SH3PXD2A: variants seen among roughly 807,000 people sequenced by gnomAD.
SH3PXD2A encodes SH3 and PX domains 2A, also known as SH3 and PX domain-containing protein 2A.
A neutral mutation model predicts 115.2 loss-of-function variants in SH3PXD2A; 32 were observed. The observed-to-expected ratio is 0.28, with a 90% confidence interval of 0.21 to 0.37. The LOEUF is 0.37. SH3PXD2A is among the 10% of genes least tolerant of loss of function. SH3PXD2A has a pLI of 1.00. For synonymous variants in SH3PXD2A, 610 were observed against 629.1 expected, an observed-to-expected ratio of 0.97 and a Z score of 0.45; for missense variants, 1,328 against 1,498.7, an observed-to-expected ratio of 0.89 and a Z score of 1.88.
chr10:103,698,489 G>C (rs746508786), intron 5 of SH3PXD2A, among the ~76,000 whole-genome samples: 1 of 152,218 alleles, frequency 6.6e-6, no homozygotes, highest in Non-Finnish European at 1.5e-5. Context: ...TCAAGAGGCC[G>C]GCTGGGCTGC....
At chr10:103,805,151 G>GC (rs1470980114) in intron 1 of SH3PXD2A, among the ~76,000 whole-genome samples, 1 of 152,196 alleles carries the variant, frequency 6.6e-6, no homozygotes, top group African/African-American at 2.4e-5. Flanking sequence ...CATCCCACTA[G>GC]CAATTAGGCT....
At chr10:103,739,098 G>A (rs185275093) in intron 3 of SH3PXD2A, among the ~76,000 whole-genome samples, 1 of 152,332 alleles carries the variant, frequency 6.6e-6, no homozygotes, top group East Asian at 1.9e-4. Context: ...AAGGAGCACT[G>A]AGGCCTCCAC....
chr10:103,831,560 C>A (rs2039482979), intron 1 of SH3PXD2A, among the ~76,000 whole-genome samples: 1 of 152,104 alleles, frequency 6.6e-6, no homozygotes, highest in Non-Finnish European at 1.5e-5. Context: ...CAGGGTGGCT[C>A]AATAATCCCA....
At position 103,756,891 on chromosome 10, in the gene SH3PXD2A, C is replaced by T. The variant is rs2038647597; in HGVS notation, c.229+10203G>A. Among the ~76,000 whole-genome samples the T allele has an allele frequency of 6.6e-6, 1 of 152,154 alleles. No homozygotes were observed. Among genetic ancestry groups the T allele is most frequent in the African/African-American group, 2.4e-5 (1 of 41,432 alleles). Reference sequence around the variant, plus strand: ...GGACCCCAGCTGGTCTCCTCTGCTCCGTGCAAGCTCCCGCCAGCCCCTTCT... The same window carrying T: ...GGACCCCAGCTGGTCTCCTCTGCTCTGTGCAAGCTCCCGCCAGCCCCTTCT... On this transcript the variant is annotated intron_variant, in intron 3 of 14. Coordinates refer to ENST00000369774, the MANE Select transcript of SH3PXD2A (RefSeq NM_001394015.1). This position sits in a 1 kb window ranked among gnomAD's most constrained non-coding sequence, Gnocchi z 4.4.
intron 5 of SH3PXD2A, among the ~76,000 whole-genome samples, chr10:103,719,706 TTTTTTTTTTTCTTTC>T (rs1200200985): frequency 1.5e-5 from 2 of 137,596 alleles, no homozygotes; most frequent in African/African-American, 2.7e-5. Flanking sequence ...TTTCTTTTTC[TTTTTTTTTTTCTTTC>T]TTTTTTTTTT....
At chr10:103,771,738 AAC>A (rs3068820) in intron 2 of SH3PXD2A, among the ~76,000 whole-genome samples, 16,764 of 142,540 alleles carry the variant, frequency 0.12, 954 homozygotes, top group Non-Finnish European at 0.14. Context: ...CCGTCAAAAC[AAC>A]ACACACACAC....
chr10:103,638,282 C>T (rs952290352), intron 8 of SH3PXD2A, among the ~76,000 whole-genome samples: 9 of 152,216 alleles, frequency 5.9e-5, no homozygotes, highest in South Asian at 2.1e-4. Context: ...CAGGCTGCTA[C>T]GTCACCATTT....
At chr10:103,846,359 G>C (rs1842848558) in intron 1 of SH3PXD2A, among the ~76,000 whole-genome samples, 1 of 152,212 alleles carries the variant, frequency 6.6e-6, no homozygotes, top group African/African-American at 2.4e-5. Context: ...AAAAATGATT[G>C]GTTTGGAAAG....
intron 2 of SH3PXD2A, among the ~76,000 whole-genome samples, chr10:103,794,475 T>A (rs1209331528): frequency 6.6e-6 from 1 of 152,222 alleles, no homozygotes; most frequent in East Asian, 1.9e-4. Flanking sequence ...CAACCGTCCA[T>A]GGAGCCAGGG....
intron 8 of SH3PXD2A, among the ~76,000 whole-genome samples, chr10:103,646,974 C>T (rs1182480539): frequency 7.0e-6 from 1 of 143,188 alleles, no homozygotes; most frequent in Non-Finnish European, 1.5e-5. Flanking sequence ...ATCTCCCAGC[C>T]TCCATGGGGT....
rs542996965 is a variant in SH3PXD2A, at chr10:103,684,028, C to G, written c.427+9000G>C. 5.9e-5 allele frequency among the ~76,000 whole-genome samples: 9 copies of G among 152,238 alleles called. 1 individual carries two copies. The highest frequency in any genetic ancestry group is 1.2e-4 in the Non-Finnish European group (8 of 68,042). The stretch of plus-strand genomic sequence containing the variant: ...GAGGCCTGCTGCCACTGCCTCGTCT[C>G]CCTCCATCTCCCTCTGCTGCTGGTT... On this transcript the variant is annotated intron_variant, in intron 6 of 14. Coordinates refer to ENST00000369774, the MANE Select transcript of SH3PXD2A (RefSeq NM_001394015.1).
At chr10:103,810,102 C>G (rs775101549) in intron 1 of SH3PXD2A, among the ~76,000 whole-genome samples, 2 of 152,184 alleles carry the variant, frequency 1.3e-5, no homozygotes, top group African/African-American at 4.8e-5. Context: ...CAGTAGTTAC[C>G]TTTTGGAGGC....
intron 3 of SH3PXD2A, among the ~76,000 whole-genome samples, chr10:103,759,514 C>T (rs772830548): frequency 1.2e-4 from 19 of 152,218 alleles, no homozygotes; most frequent in Non-Finnish European, 1.8e-4. Flanking sequence ...TACAGAGACA[C>T]AGATGGCTTG....
Position 103,613,079 on chromosome 10 carries a change from G to A in SH3PXD2A, c.1032C>T (p.Ile344=), listed in dbSNP as rs371620471. ...TGTTCAGCAGGTTGCTGATCTCCAT[G>A]ATGTTCCCAATGATCTCCACTGGGC... ...LAGPVEIIGN[I]MEISNLLNKK... Residue 344 remains isoleucine (I), a synonymous_variant, in exon 12 of 15, where the codon ATC becomes ATT. Coordinates refer to ENST00000369774, the MANE Select transcript of SH3PXD2A (RefSeq NM_001394015.1). The A allele has an allele frequency of 3.1e-6, 5 of 1,614,138 alleles. No homozygotes were observed. The African/African-American group carries it at 6.7e-5, about 22-fold the overall frequency.
chr10:103,660,527 A>G (rs2037279304), intron 8 of SH3PXD2A, among the ~76,000 whole-genome samples: 1 of 151,774 alleles, frequency 6.6e-6, no homozygotes, highest in Non-Finnish European at 1.5e-5. Context: ...CCCTTCCACA[A>G]ACTTGCCAGC....
intron 3 of SH3PXD2A, among the ~76,000 whole-genome samples, chr10:103,750,419 C>G (rs533640899): frequency 6.6e-6 from 1 of 152,176 alleles, no homozygotes; most frequent in Admixed American, 6.6e-5. Context: ...ACTACAAGGC[C>G]TAGCACTCCT....
intron 13 of SH3PXD2A, chr10:103,609,636 T>C (rs919281467): frequency 6.6e-5 from 10 of 152,314 alleles, no homozygotes; most frequent in African/African-American, 2.4e-4. Flanking sequence ...GAGCGCCCAG[T>C]AGGAAACCAA....
intron 13 of SH3PXD2A, chr10:103,609,147 C>T (rs1227441476): frequency 6.9e-6 from 1 of 145,364 alleles, no homozygotes; most frequent in Non-Finnish European, 1.5e-5. Context: ...CAGAGTGAGA[C>T]TCTGTCTCTG....
chr10:103,615,530 G>GTT (rs2036504086), intron 11 of SH3PXD2A, among the ~76,000 whole-genome samples: 1 of 134,462 alleles, frequency 7.4e-6, no homozygotes, highest in Non-Finnish European at 1.6e-5. Context: ...GTGTGTGTGT[G>GTT]TAGGGGTTGG....
Sources: allele counts gnomAD v4.1 joint callset (sites outside exome capture counted in the v4.1 genomes callset), GRCh38; gene constraint gnomAD v4.1.1; non-coding constraint Gnocchi (gnomAD v3.1); transcripts MANE v1.5; gene names NCBI Gene and HGNC (gene_info 2026-07-23, HGNC 2026-07-21).